Variants in UPK1A observed in about 807,000 individuals in gnomAD.
UPK1A encodes the protein uroplakin-1a.
UPK1A carries 31 observed loss-of-function variants against 32.3 expected under a neutral mutation model. The observed-to-expected ratio is 0.96, with a 90% CI of 0.72 to 1.30. The LOEUF (loss-of-function observed/expected upper bound fraction) is 1.30. Ranked by LOEUF, UPK1A falls within the 50% of genes most tolerant of loss-of-function variation. UPK1A has a pLI of 0.00. For missense variants in UPK1A, 340 were observed against 357.4 expected, an observed-to-expected ratio of 0.95 and a Z score of 0.39; for synonymous variants, 135 against 137.1, an observed-to-expected ratio of 0.98 and a Z score of 0.11.
At chr19:35,673,089 G>C in intron 3 of UPK1A, 143 bp from the exon 4 acceptor site, 6 of 693,542 alleles carry the variant, frequency 8.7e-6, no homozygotes, top group Non-Finnish European at 1.5e-5. Flanking sequence ...GCGAACACCT[G>C]AACACCCACC....
chr19:35,672,261 G>A (rs146161922), intron 3 of UPK1A, among the ~76,000 whole-genome samples: 33 of 152,220 alleles, frequency 2.2e-4, no homozygotes, highest in Admixed American at 5.9e-4. Flanking sequence ...ATCGTTTTAT[G>A]TTGTTTGTTT....
exon 8 of UPK1A, chr19:35,678,112 C>T: frequency 7.1e-7 from 1 of 1,415,580 alleles, no homozygotes; most frequent in East Asian, 2.5e-5. Flanking sequence ...CCTCACCTCT[C>T]ACCTCCCAAC....
chr19:35,671,181 G>A (rs573685588), intron 3 of UPK1A, among the ~76,000 whole-genome samples: 1 of 151,914 alleles, frequency 6.6e-6, no homozygotes, highest in South Asian at 2.1e-4. Context: ...AAGGTCAGGA[G>A]ATCGAGACCT....
intron 5 of UPK1A, 91 bp downstream of exon 5, chr19:35,673,636 A>T: frequency 9.1e-7 from 1 of 1,098,524 alleles, no homozygotes; most frequent in Non-Finnish European, 1.3e-6. Context: ...TAGAGGAGTG[A>T]GTGCCTTAAA....
intron 2 of UPK1A, among the ~76,000 whole-genome samples, chr19:35,667,778 G>A (rs1868714578): frequency 6.6e-6 from 1 of 151,586 alleles, no homozygotes. Flanking sequence ...ACAGGTGTAA[G>A]CCACCGCGAC....
intron 3 of UPK1A, among the ~76,000 whole-genome samples, chr19:35,671,347 A>G (rs903224745): frequency 5.9e-5 from 8 of 134,768 alleles, no homozygotes; most frequent in Admixed American, 5.2e-4. Context: ...AGATCGCGCC[A>G]CTGCACTCCA....
chr19:35,673,608 T>G, intron 5 of UPK1A, 63 bp downstream of exon 5: 1 of 1,453,398 alleles, frequency 6.9e-7, no homozygotes, highest in Non-Finnish European at 9.5e-7. Context: ...CCGATAGAGC[T>G]CCCGATGTGC....
chr19:35,668,725 G>C (rs1968041222), intron 3 of UPK1A, 71 bp downstream of exon 3: 1 of 1,486,806 alleles, frequency 6.7e-7, no homozygotes. Context: ...ATAGTAGCAG[G>C]TGCAGCCCCA....
chr19:35,676,238 T>G (rs1301850175), intron 6 of UPK1A: 3 of 676,706 alleles, frequency 4.4e-6, no homozygotes, highest in South Asian at 1.6e-5. Flanking sequence ...TCACCCAGGC[T>G]GGAGTACAGT....
intron 3 of UPK1A, among the ~76,000 whole-genome samples, chr19:35,670,244 A>G (rs1261982490): frequency 6.6e-6 from 1 of 152,108 alleles, no homozygotes; most frequent in Non-Finnish European, 1.5e-5. Flanking sequence ...GTGAGAGGAC[A>G]TGAGGCAGAC....
At chr19:35,668,679 G>A in intron 3 of UPK1A, 25 bp downstream of exon 3, 2 of 1,595,572 alleles carry the variant, frequency 1.3e-6, no homozygotes, top group Non-Finnish European at 1.7e-6. Flanking sequence ...GTTGGGGGAT[G>A]GGGACACTGA....
At chr19:35,675,722 G>A (rs1437949953) in intron 5 of UPK1A, 118 bp from the exon 6 acceptor site, 1 of 1,212,094 alleles carries the variant, frequency 8.3e-7, no homozygotes, top group Non-Finnish European at 1.1e-6. Flanking sequence ...CCAGGACATG[G>A]GGAAGTTGGG....
exon 8 of UPK1A, chr19:35,678,075 G>T: frequency 6.6e-7 from 1 of 1,506,878 alleles, no homozygotes; most frequent in Middle Eastern, 1.8e-4. Flanking sequence ...TCCTCCTCCT[G>T]CTTCCTCCGC....
chr19:35,666,587 C>G lies in UPK1A; in HGVS notation c.-5+49C>G. The G allele has an allele frequency of 5.4e-6, 3 of 554,866 alleles. No individual in the cohort carries two copies. In the South Asian group the frequency reaches 6.1e-5, roughly 11 times the overall value. The allele number at this position is 554,866 out of a possible 1,614,324, so 34.4% of individuals were successfully genotyped here. A position where few individuals can be genotyped will look rare whatever the true frequency, so the allele number is the denominator to read the frequency against. On this transcript the variant is annotated intron_variant, in intron 1 of 7. Coordinates refer to ENST00000617999, the Ensembl canonical transcript of UPK1A. ...TGGGTATGGCATGAGGGGTCTGAGG[C>G]TCAGGGAGGGGCAGTGCCAAGTTCA...
intron 5 of UPK1A, among the ~76,000 whole-genome samples, chr19:35,675,220 A>G (rs1235418322): frequency 6.6e-6 from 1 of 152,188 alleles, no homozygotes; most frequent in Non-Finnish European, 1.5e-5. Context: ...AAGGCCAGGA[A>G]AAGCCAGAAA....
chr19:35,667,306 TTTTTG>T lies in UPK1A; in HGVS notation c.84+450_84+454del, dbSNP rs142423365. Among the ~76,000 whole-genome samples the T allele has an allele frequency of 7.8e-3, 1,178 of 150,186 alleles. 14 individuals carry two copies. The highest frequency in any genetic ancestry group is 0.036 in the Admixed American group (534 of 14,972). The stretch of plus-strand genomic sequence containing the variant: ...TTAACATTGGGTTTTGGTTTTGTGT[TTTTTG>T]TTTTGTTTTGTTTTGTTTTGTTTTG... On this transcript the variant is annotated intron_variant, in intron 2 of 7. Transcript: ENST00000617999.
intron 5 of UPK1A, 49 bp downstream of exon 5, chr19:35,673,594 G>A: frequency 1.2e-5 from 18 of 1,527,126 alleles, no homozygotes; most frequent in Non-Finnish European, 1.6e-5. Context: ...TCCGTCCACA[G>A]AGGCCGATAG....
At chr19:35,673,517 C>A (rs1172608875) in exon 5 of UPK1A, 1 of 1,612,902 alleles carries the variant, frequency 6.2e-7, no homozygotes, top group Non-Finnish European at 8.5e-7. Flanking sequence ...CAGGAGCTGA[C>A]CCGCCTCTGG....
chr19:35,668,336 C>A (rs764098789), intron 2 of UPK1A, 118 bp from the exon 3 acceptor site: 3 of 1,248,380 alleles, frequency 2.4e-6, no homozygotes, highest in Admixed American at 1.9e-5. Flanking sequence ...GAGGTCTTTG[C>A]CCACTTTACT....
Sources: gnomAD v4.1 joint callset for allele counts (sites outside exome capture counted in the v4.1 genomes callset) on GRCh38, gnomAD v4.1.1 for gene constraint, MANE v1.5 for transcripts, NCBI Gene and HGNC (gene_info 2026-07-23, HGNC 2026-07-21) for gene names.